WDR36: variants seen among roughly 807,000 people sequenced by gnomAD.
WDR36 encodes WD repeat domain 36, also known as WD repeat-containing protein 36.
Under a neutral mutation model 112.7 loss-of-function variants are expected in WDR36, and 63 were observed. The observed-to-expected ratio is 0.56, with a 90% CI of 0.46 to 0.69. WDR36 has a LOEUF of 0.69. Among genes scored for constraint, WDR36 ranks in the 30% least tolerant of loss-of-function variants. WDR36 has a pLI of 0.00. For missense variants in WDR36, 1,226 were observed against 1,070.3 expected (o/e 1.15, Z -2.03); for synonymous variants, 410 against 362.2 (o/e 1.13, Z -1.50).
At chr5:111,120,838 GA>G (rs1753548471) in intron 18 of WDR36, among the ~76,000 whole-genome samples, 157 bp from the exon 19 acceptor site, 2 of 152,132 alleles carry the variant, frequency 1.3e-5, no homozygotes, top group Non-Finnish European at 2.9e-5. Flanking sequence ...GTTAATATGA[GA>G]AAATAAGGAA....
chr5:111,102,442 G>T (rs1580393191), intron 6 of WDR36, 43 bp downstream of exon 6: 1 of 1,565,708 alleles, frequency 6.4e-7, no homozygotes, highest in East Asian at 2.3e-5. Context: ...AAAGTTAATA[G>T]GAAAATCCTT....
rs185097062 is a variant in WDR36, at chr5:111,127,054, C to T, written c.*171C>T. 225 of 644,130 alleles carry T rather than the reference C, an allele frequency of 3.5e-4. No individual in the cohort carries two copies. Among genetic ancestry groups the T allele is most frequent in the Admixed American group, 5.7e-4 (16 of 28,054 alleles). The allele number at this position is 644,130 out of a possible 1,614,324, so 39.9% of individuals were successfully genotyped here. A position where few individuals can be genotyped will look rare whatever the true frequency, so the allele number is the denominator to read the frequency against. On this transcript the variant is annotated 3_prime_UTR_variant, in exon 23 of 23. Transcript: ENST00000513710. ...TTTCTTGAAATAAAATCGCACCTCCCGGCCAGGCATGATGGATAATGCCTG... is the reference window on the plus strand; with the variant it reads ...TTTCTTGAAATAAAATCGCACCTCCTGGCCAGGCATGATGGATAATGCCTG...
At chr5:111,108,784 G>T (rs903267901) in intron 12 of WDR36, among the ~76,000 whole-genome samples, 6 of 151,234 alleles carry the variant, frequency 4.0e-5, no homozygotes, top group South Asian at 2.1e-4. Context: ...CGAGTAAGGG[G>T]CAGAGCTGGG....
At chr5:111,097,265 C>T in intron 3 of WDR36, 86 bp downstream of exon 3, 1 of 939,568 alleles carries the variant, frequency 1.1e-6, no homozygotes, top group East Asian at 2.4e-5. Context: ...ATTCTTTACC[C>T]AGCACACTCT....
At chr5:111,107,160 A>G in intron 11 of WDR36, 134 bp from the exon 12 acceptor site, 1 of 990,252 alleles carries the variant, frequency 1.0e-6, no homozygotes, top group South Asian at 1.6e-5. Flanking sequence ...TAGATTGGAA[A>G]CATATTGCTA....
Position 111,096,126 on chromosome 5 carries a change from G to A in WDR36, c.191-953G>A, listed in dbSNP as rs527640482. 3.6e-4 allele frequency among the ~76,000 whole-genome samples: 55 copies of A among 152,272 alleles called. 1 individual carries two copies. The South Asian group carries it at 0.011, about 30-fold the overall frequency. On this transcript the variant is annotated intron_variant, in intron 2 of 22. Transcript: ENST00000513710. Reference sequence around the variant, plus strand: ...GCAGCATGAAAAGTACAACAATCCTGTGTCTACTAACCCTCCTGCCCCAAA... The same window carrying A: ...GCAGCATGAAAAGTACAACAATCCTATGTCTACTAACCCTCCTGCCCCAAA...
intron 17 of WDR36, among the ~76,000 whole-genome samples, chr5:111,119,591 T>C (rs1046833147): frequency 1.3e-5 from 2 of 152,198 alleles, no homozygotes; most frequent in Admixed American, 6.5e-5. Flanking sequence ...TCAAATTCTC[T>C]TTTGATGAAC....
chr5:111,128,965 T>G lies in WDR36; in HGVS notation c.*2082T>G, dbSNP rs1753731553. On this transcript the variant is annotated 3_prime_UTR_variant, in exon 23 of 23. Transcript: ENST00000513710. ...CTTTTAGAGTGTTTTTATGAGTGTT[T>G]AATGTAGGAATGTGTATATATTATC... 1.0e-5 allele frequency: 2 copies of G among 193,404 alleles called. No individual in the cohort carries two copies. Among genetic ancestry groups the G allele is most frequent in the African/African-American group, 4.6e-5 (2 of 43,108 alleles). 12.0% of individuals were successfully genotyped at this position (193,404 alleles called of 1,614,324 possible).
chr5:111,118,531 C>CA (rs1168373153), intron 16 of WDR36, among the ~76,000 whole-genome samples: 5 of 152,132 alleles, frequency 3.3e-5, no homozygotes, highest in Non-Finnish European at 7.4e-5. Flanking sequence ...AAAATAGGTA[C>CA]AGTTGCTCAA....
At chr5:111,126,588 GA>G in intron 22 of WDR36, 145 bp from the exon 23 acceptor site, 1 of 881,578 alleles carries the variant, frequency 1.1e-6, no homozygotes, top group East Asian at 2.7e-5. Flanking sequence ...TAGAGGAGGG[GA>G]AAATGGGAGA....
In WDR36 at chr5:111,110,263, G is replaced by A. The variant is rs375798656; in HGVS notation, c.1401G>A (p.Met467Ile). The A allele has an allele frequency of 4.8e-5, 77 of 1,610,848 alleles. No homozygotes were observed. Among genetic ancestry groups the A allele is most frequent in the Middle Eastern group, 1.6e-4 (1 of 6,068 alleles). ...LSSGTVDVYN[M>I]QSGIHRGSFG... ...CAGGAACTGTAGATGTATATAACAT[G>A]CAGTCTGGCATACATCGAGGAAGTT... Residue 467 changes from methionine to isoleucine, a missense_variant, in exon 13 of 23, where the codon ATG (methionine) becomes ATA (isoleucine). By Grantham distance (10) the Met-to-Ile change is conservative. Coordinates refer to ENST00000513710, the MANE Select transcript of WDR36 (RefSeq NM_139281.3).
chr5:111,114,836 C>T (rs1434514223), intron 16 of WDR36, among the ~76,000 whole-genome samples: 1 of 151,754 alleles, frequency 6.6e-6, no homozygotes, highest in Admixed American at 6.6e-5. Context: ...TGGCATAGTG[C>T]CTTTTTCATT....
Position 111,129,014 on chromosome 5 carries a change from T to TA in WDR36, c.*2132dup, listed in dbSNP as rs879525203. 14 of 194,368 alleles carry TA rather than the reference T, an allele frequency of 7.2e-5. No homozygotes were observed. Among genetic ancestry groups the TA allele is most frequent in the African/African-American group, 1.6e-4 (7 of 43,322 alleles). The allele number at this position is 194,368 out of a possible 1,614,324, so 12.0% of individuals were successfully genotyped here. ...TCTACAGCCACAGGAAATGTATAGT[T>TA]ACGATTTTTACATACGTGTATGTAT... On this transcript the variant is annotated 3_prime_UTR_variant, in exon 23 of 23. Transcript: ENST00000513710.
rs1010987822 is a variant in WDR36, at chr5:111,098,587, C to A, written c.292-135C>A. On this transcript the variant is annotated intron_variant, in intron 3 of 22. Coordinates refer to ENST00000513710, the MANE Select transcript of WDR36 (RefSeq NM_139281.3). ...CTTAATATTTATGTGTTCATCCTAA[C>A]CTTGAATAATCAAAAGTTGGGGTAC... is the stretch of plus-strand genomic sequence containing the variant. 5.5e-5 allele frequency: 38 copies of A among 686,250 alleles called. No homozygotes were observed. The South Asian group carries it at 5.9e-4, about 11-fold the overall frequency. The allele number at this position is 686,250 out of a possible 1,614,324, so 42.5% of individuals were successfully genotyped here.
At chr5:111,095,052 A>T (rs1305851725) in intron 2 of WDR36, 105 bp downstream of exon 2, 1 of 1,056,484 alleles carries the variant, frequency 9.5e-7, no homozygotes, top group Admixed American at 2.3e-5. Flanking sequence ...GGTAACATGT[A>T]TGTCTTATAA....
intron 2 of WDR36, 31 bp downstream of exon 2, chr5:111,094,978 A>G (rs376103543): frequency 1.3e-6 from 2 of 1,592,426 alleles, no homozygotes; most frequent in African/African-American, 1.3e-5. Context: ...GAATTTATGC[A>G]CATCTAAACT....
At chr5:111,110,586 G>A (rs542280070) in intron 13 of WDR36, among the ~76,000 whole-genome samples, 55 of 151,346 alleles carry the variant, frequency 3.6e-4, no homozygotes, top group Middle Eastern at 3.4e-3. Context: ...ATGTTGTATC[G>A]ATCTGATTTC....
chr5:111,099,792 C>G (rs2416257), intron 4 of WDR36, among the ~76,000 whole-genome samples: 1 of 151,778 alleles, frequency 6.6e-6, no homozygotes, highest in African/African-American at 2.4e-5. Flanking sequence ...ACCTGTACAT[C>G]CTAAACTGTG....
At position 111,127,923 on chromosome 5, in the gene WDR36, GTTTTTT is replaced by G. The variant is rs1174312563; in HGVS notation, c.*1054_*1059del. ...GGTTTTTTTTATTTTGTTTTGTTTT[GTTTTTT>G]TTTTTTTTTTTTTGGCTACACTTTT... On this transcript the variant is annotated 3_prime_UTR_variant, in exon 23 of 23. Coordinates refer to ENST00000513710, the MANE Select transcript of WDR36 (RefSeq NM_139281.3). 4.3e-5 allele frequency: 6 copies of G among 139,344 alleles called. No homozygotes were observed. The highest frequency in any genetic ancestry group is 3.0e-4 in the Admixed American group (4 of 13,434). 8.6% of individuals were successfully genotyped at this position (139,344 alleles called of 1,614,324 possible).
Sources: gnomAD v4.1 joint callset for allele counts (sites outside exome capture counted in the v4.1 genomes callset) on GRCh38, gnomAD v4.1.1 for gene constraint, MANE v1.5 for transcripts, NCBI Gene and HGNC (gene_info 2026-07-23, HGNC 2026-07-21) for gene names.